The following SHANK2 variants were observed in gnomAD, a reference collection of about 807,000 sequenced individuals.
SHANK2 encodes SH3 and multiple ankyrin repeat domains 2, also known as SH3 and multiple ankyrin repeat domains protein 2.
A neutral mutation model predicts 133.7 loss-of-function variants in SHANK2; 43 were observed. That is an observed-to-expected ratio of 0.32 (90% CI 0.25 to 0.41). The LOEUF (loss-of-function observed/expected upper bound fraction) is 0.41, where lower values mean the gene tolerates loss of function less well. Among genes scored for constraint, SHANK2 ranks in the 10% least tolerant of loss-of-function variants. The pLI is 1.00. For synonymous variants in SHANK2, 1,017 were observed against 952.8 expected (o/e 1.07, Z -1.24); for missense variants, 1,994 against 2,235.8 (o/e 0.89, Z 2.18).
intron 14 of SHANK2, among the ~76,000 whole-genome samples, chr11:70,746,229 A>C (rs964537672): frequency 1.3e-5 from 2 of 152,162 alleles, no homozygotes; most frequent in African/African-American, 2.4e-5. Flanking sequence ...TGTAGCACAG[A>C]AGCAGCCTCT....
At chr11:70,549,667 C>T (rs1253576097) in intron 17 of SHANK2, among the ~76,000 whole-genome samples, 2 of 152,150 alleles carry the variant, frequency 1.3e-5, no homozygotes, top group Admixed American at 1.3e-4. Context: ...CACCAGGGTC[C>T]CAGAGCTCTG....
chr11:70,908,085 G>A, intron 10 of SHANK2: 1 of 241,142 alleles, frequency 4.1e-6, no homozygotes, highest in Non-Finnish European at 8.6e-6. Context: ...AACAGAGTGA[G>A]AGTCCATCTC....
At chr11:70,726,615 C>T (rs1946186492) in intron 14 of SHANK2, among the ~76,000 whole-genome samples, 1 of 152,168 alleles carries the variant, frequency 6.6e-6, no homozygotes, top group Non-Finnish European at 1.5e-5. Flanking sequence ...AAAGTAAGCT[C>T]ATTTGGGAAG....
chr11:70,953,700 G>C (rs1049084524), intron 10 of SHANK2, among the ~76,000 whole-genome samples: 5 of 152,148 alleles, frequency 3.3e-5, no homozygotes, highest in African/African-American at 9.7e-5. Flanking sequence ...TTGAGGGTGG[G>C]TCTTCCTCTC....
At chr11:71,114,411 C>T (rs782581089) in intron 4 of SHANK2, among the ~76,000 whole-genome samples, 4 of 152,158 alleles carry the variant, frequency 2.6e-5, no homozygotes, top group East Asian at 1.9e-4. Flanking sequence ...AACTGAAAGT[C>T]GCATCTCACA....
rs1213595233 is a variant in SHANK2, at chr11:70,830,904, A to C, written c.1175-10222T>G. The stretch of plus-strand genomic sequence containing the variant: ...CACGCATTGGAGCCCAAATGCCCAC[A>C]GCATGGCTGAGCACTCCCTTCCTTC... On this transcript the variant is annotated intron_variant, in intron 11 of 25. Coordinates refer to ENST00000601538, the MANE Select transcript of SHANK2 (RefSeq NM_012309.5). The surrounding 1 kb of genome is among the most constrained non-coding windows in gnomAD (Gnocchi z 4.4). Among the ~76,000 whole-genome samples, 2 of 152,232 alleles carry C rather than the reference A, an allele frequency of 1.3e-5. No individual in the cohort carries two copies. Among genetic ancestry groups the C allele is most frequent in the African/African-American group, 4.8e-5 (2 of 41,474 alleles).
chr11:71,130,024 GTGTC>G (rs556173423), intron 3 of SHANK2, among the ~76,000 whole-genome samples: 2 of 152,196 alleles, frequency 1.3e-5, no homozygotes, highest in Non-Finnish European at 2.9e-5. Context: ...CCCTCTGTGT[GTGTC>G]TGCGTCCTCA....
Position 70,500,601 on chromosome 11 carries a change from G to C in SHANK2, c.2288-11C>G. ...TCTTCCGGACCGAGGCTTGCAAACA[G>C]AAAGGGGACCGCCATGAGCCACCAG... On this transcript the variant is annotated splice_polypyrimidine_tract_variant and intron_variant, in intron 20 of 25. Transcript: ENST00000601538. The surrounding 1 kb of genome is among the most constrained non-coding windows in gnomAD (Gnocchi z 4.5). The C allele has an allele frequency of 6.2e-7, 1 of 1,600,660 alleles. No homozygotes were observed. The highest frequency in any genetic ancestry group is 1.1e-5 in the South Asian group (1 of 88,574).
At chr11:70,917,885 C>T (rs193280523) in intron 10 of SHANK2, among the ~76,000 whole-genome samples, 3 of 152,086 alleles carry the variant, frequency 2.0e-5, no homozygotes, top group African/African-American at 4.8e-5. Context: ...GGGAGAGGAT[C>T]GAGAAGAACA....
chr11:70,927,466 T>C (rs1431487825), intron 10 of SHANK2, among the ~76,000 whole-genome samples: 1 of 152,024 alleles, frequency 6.6e-6, no homozygotes, highest in African/African-American at 2.4e-5. Context: ...AGGTTGGGAC[T>C]GATGGGGCCC....
intron 10 of SHANK2, among the ~76,000 whole-genome samples, chr11:70,916,310 G>A (rs1477789463): frequency 2.0e-5 from 3 of 152,152 alleles, no homozygotes; most frequent in Non-Finnish European, 2.9e-5. Flanking sequence ...AAAGGTTGGG[G>A]GACATGGAAA....
chr11:70,651,460 C>T (rs772236337), intron 17 of SHANK2, among the ~76,000 whole-genome samples: 7 of 152,148 alleles, frequency 4.6e-5, no homozygotes, highest in Admixed American at 2.0e-4. Flanking sequence ...CCAACCTCCC[C>T]GCCATCCAGG....
chr11:70,710,445 A>T (rs1002362676), intron 14 of SHANK2, among the ~76,000 whole-genome samples: 9 of 152,164 alleles, frequency 5.9e-5, no homozygotes, highest in African/African-American at 2.2e-4. Context: ...CTGAATGCGG[A>T]CTGTGCCGGA....
intron 2 of SHANK2, among the ~76,000 whole-genome samples, chr11:71,205,878 C>G (rs1954117190): frequency 6.6e-6 from 1 of 151,830 alleles, no homozygotes; most frequent in Admixed American, 6.6e-5. Context: ...CTGCTGAGAT[C>G]TGGGAGAAAG....
chr11:70,870,243 C>T (rs1949438342), intron 11 of SHANK2, among the ~76,000 whole-genome samples: 1 of 152,114 alleles, frequency 6.6e-6, no homozygotes, highest in Non-Finnish European at 1.5e-5. Flanking sequence ...GAAATGAACC[C>T]GGGGTGAGAC....
chr11:71,075,981 G>A lies in SHANK2; in HGVS notation c.913-706C>T, dbSNP rs980543696. 1.6e-4 allele frequency among the ~76,000 whole-genome samples: 25 copies of A among 152,320 alleles called. No homozygotes were observed. The South Asian group carries it at 3.1e-3, about 19-fold the overall frequency. Reference sequence around the variant, plus strand: ...TGAGTACCTATGTGCACCCTCATCTGTAGGCAGAAACAACCCTTAACCCTC... The same window carrying A: ...TGAGTACCTATGTGCACCCTCATCTATAGGCAGAAACAACCCTTAACCCTC... On this transcript the variant is annotated intron_variant, in intron 8 of 25. Transcript: ENST00000601538.
rs185596733 is a variant in SHANK2, at chr11:71,139,387, G to T, written c.207+7733C>A. ...GGAGGGGGGAGGGATAGCATTAGAA[G>T]ATATACCTTATGTTAAATGATGAGT... On this transcript the variant is annotated intron_variant, in intron 3 of 25. Transcript: ENST00000601538. Among the ~76,000 whole-genome samples the T allele has an allele frequency of 3.0e-4, 45 of 151,760 alleles. 1 individual carries two copies. The highest frequency in any genetic ancestry group is 2.4e-3 in the Admixed American group (36 of 15,204).
At position 70,941,471 on chromosome 11, in the gene SHANK2, C is replaced by A. The variant is rs782799887; in HGVS notation, c.1108-44904G>T. On this transcript the variant is annotated intron_variant, in intron 10 of 25. Transcript: ENST00000601538. ...TATCTCCTAAACTTGCTGTTGGGGT[C>A]GCTATGGACTAAATTGTGTGTCCCC... Among the ~76,000 whole-genome samples, 15 of 152,320 alleles carry A rather than the reference C, an allele frequency of 9.8e-5. No individual in the cohort carries two copies. The East Asian group carries it at 2.9e-3, about 29-fold the overall frequency.
At chr11:70,769,396 C>T (rs151033984) in intron 14 of SHANK2, among the ~76,000 whole-genome samples, 178 of 152,304 alleles carry the variant, frequency 1.2e-3, no homozygotes, top group African/African-American at 4.0e-3. Context: ...AGGAGAAATG[C>T]CAGGAGCTTC....
Sources: allele counts gnomAD v4.1 joint callset (sites outside exome capture counted in the v4.1 genomes callset), GRCh38; gene constraint gnomAD v4.1.1; non-coding constraint Gnocchi (gnomAD v3.1); transcripts MANE v1.5; gene names NCBI Gene and HGNC (gene_info 2026-07-23, HGNC 2026-07-21).